The following ZNF100 variants were observed in gnomAD, a reference collection of about 807,000 sequenced individuals.
The protein encoded by ZNF100 is zinc finger protein 100 (Y1).
Under a neutral mutation model 15.8 loss-of-function variants are expected in ZNF100, and 12 were observed. That is an observed-to-expected ratio of 0.76 (90% CI 0.49 to 1.23). The LOEUF is 1.23. Ranked by LOEUF, ZNF100 falls within the 50% of genes most tolerant of loss-of-function variation. The pLI, the probability that ZNF100 is intolerant of heterozygous loss-of-function variation, is 0.00. For synonymous variants in ZNF100, 226 were observed against 214.8 expected, an observed-to-expected ratio of 1.05 and a Z score of -0.45; for missense variants, 670 against 635.6, an observed-to-expected ratio of 1.05 and a Z score of -0.58.
intron 4 of ZNF100, among the ~76,000 whole-genome samples, chr19:21,736,099 T>A (rs1476812962): frequency 6.6e-6 from 1 of 151,960 alleles, no homozygotes; most frequent in African/African-American, 2.4e-5. Flanking sequence ...TATTGATTTA[T>A]TTTTTTGAGA....
Position 21,743,808 on chromosome 19 carries a change from A to G in ZNF100, c.322+209T>C, listed in dbSNP as rs553746490. 1.1e-3 allele frequency among the ~76,000 whole-genome samples: 159 copies of G among 140,650 alleles called. 5 individuals carry two copies. In the South Asian group the frequency reaches 0.035, roughly 31 times the overall value. 92.3% of individuals were successfully genotyped at this position (140,650 alleles called of 152,430 possible). ...TCACCAAAAGGAAAGTAGAATCTTTAAAGAATTTAAAAGCATAAGACAGAA... is the reference window on the plus strand; with the variant it reads ...TCACCAAAAGGAAAGTAGAATCTTTGAAGAATTTAAAAGCATAAGACAGAA... On this transcript the variant is annotated intron_variant, in intron 4 of 4. Coordinates refer to ENST00000358296, the MANE Select transcript of ZNF100 (RefSeq NM_173531.4).
At chr19:21,743,051 A>G (rs2036145935) in intron 4 of ZNF100, 1 of 152,014 alleles carries the variant, frequency 6.6e-6, no homozygotes, top group Non-Finnish European at 1.5e-5. Flanking sequence ...ACATGGTGAA[A>G]CCCCATCTCT....
intron 4 of ZNF100, among the ~76,000 whole-genome samples, chr19:21,735,239 A>G (rs2035987277): frequency 6.6e-6 from 1 of 152,192 alleles, no homozygotes. Flanking sequence ...TGCTCCAATT[A>G]ATACCAGAAC....
intron 4 of ZNF100, among the ~76,000 whole-genome samples, chr19:21,741,291 T>G (rs577339276): frequency 6.6e-6 from 1 of 152,328 alleles, no homozygotes; most frequent in South Asian, 2.1e-4. Context: ...GGGTATTTAG[T>G]TTTAATTTCA....
rs1324730158 is a variant in ZNF100, at chr19:21,727,242, G to T, written c.1070C>A (p.Ser357Tyr). The change falls in exon 5 of 5, where the codon TCC (serine) becomes TAC (tyrosine). Residue 357 changes from serine to tyrosine, a missense_variant. Physicochemically the swap from Ser to Tyr is moderately radical, Grantham distance 144. Transcript: ENST00000358296. ...CEECGKAFNQ[S>Y]STLTTHKITH... ...TATCTTATGTGTAGTAAGGGTTGAG[G>T]ACTGGTTAAAGGCTTTGCCACATTC... 1 of 1,613,358 alleles carries T rather than the reference G, an allele frequency of 6.2e-7. No individual in the cohort carries two copies. The highest frequency in any genetic ancestry group is 1.3e-5 in the African/African-American group (1 of 74,834).
intron 2 of ZNF100, chr19:21,752,113 T>C: frequency 5.6e-6 from 1 of 179,180 alleles, no homozygotes; most frequent in Non-Finnish European, 1.2e-5. Context: ...AACAAAACAC[T>C]CTTCTGTCCT....
intron 4 of ZNF100, among the ~76,000 whole-genome samples, chr19:21,729,660 A>T (rs1313318497): frequency 6.6e-6 from 1 of 152,138 alleles, no homozygotes; most frequent in African/African-American, 2.4e-5. Context: ...GCACATATAT[A>T]CTTTTACTTC....
intron 4 of ZNF100, 34 bp downstream of exon 4, chr19:21,743,983 A>G: frequency 6.3e-7 from 1 of 1,576,018 alleles, no homozygotes; most frequent in East Asian, 2.3e-5. Flanking sequence ...TGGACCTCAC[A>G]TCTGTGTCAT....
chr19:21,733,782 G>T (rs2035963284), intron 4 of ZNF100, among the ~76,000 whole-genome samples: 1 of 152,252 alleles, frequency 6.6e-6, no homozygotes, highest in Non-Finnish European at 1.5e-5. Flanking sequence ...AACAGGCATT[G>T]TAAGACAACT....
At chr19:21,764,642 G>GAA (rs538300546) in intron 2 of ZNF100, among the ~76,000 whole-genome samples, 1 of 125,510 alleles carries the variant, frequency 8.0e-6, no homozygotes, top group African/African-American at 2.9e-5. Context: ...TCCGTGTGGG[G>GAA]AAAAAAAAAA....
At chr19:21,755,471 T>C (rs909448512) in intron 2 of ZNF100, among the ~76,000 whole-genome samples, 1 of 152,018 alleles carries the variant, frequency 6.6e-6, no homozygotes, top group African/African-American at 2.4e-5. Context: ...AGTAACACTT[T>C]TACACTCTTG....
chr19:21,756,680 C>T (rs2036397620), intron 2 of ZNF100, among the ~76,000 whole-genome samples: 1 of 152,180 alleles, frequency 6.6e-6, no homozygotes, highest in South Asian at 2.1e-4. Flanking sequence ...AATTTACTGA[C>T]TTAATGCTAT....
chr19:21,765,793 G>A lies in ZNF100; in HGVS notation c.4-7C>T, dbSNP rs1183333808. ...TTCCATACCTCGGGTCATCCTACGG[G>A]AGAAAATAAACCAGAAGCTGACATT... On this transcript the variant is annotated splice_polypyrimidine_tract_variant and splice_region_variant and intron_variant, in intron 1 of 4. Coordinates refer to ENST00000358296, the MANE Select transcript of ZNF100 (RefSeq NM_173531.4). 6.2e-7 allele frequency: 1 copy of A among 1,603,334 alleles called. No homozygotes were observed. Among genetic ancestry groups the A allele is most frequent in the East Asian group, 2.2e-5 (1 of 44,862 alleles).
At chr19:21,737,443 G>A (rs1375209766) in intron 4 of ZNF100, among the ~76,000 whole-genome samples, 3 of 151,768 alleles carry the variant, frequency 2.0e-5, no homozygotes, top group Admixed American at 6.6e-5. Flanking sequence ...GCCGAGGCAG[G>A]AGAATTACTT....
intron 3 of ZNF100, 108 bp from the exon 4 acceptor site, chr19:21,744,223 A>C: frequency 9.8e-7 from 1 of 1,019,810 alleles, no homozygotes; most frequent in Non-Finnish European, 1.3e-6. Context: ...AATTAATCCT[A>C]ACGTACTAAT....
rs904378909 is a variant in ZNF100, at chr19:21,727,181, T to C, written c.1131A>G (p.Glu377=). Residue 377 remains glutamate, a synonymous_variant, in exon 5 of 5, where the codon GAA becomes GAG. Transcript: ENST00000358296. The stretch of plus-strand genomic sequence containing the variant: ...AGAATCGGTAAAAAGCTTTGCCACA[T>C]TCTTCACATTTGTAAGGTTTCTCTC... ...HAGEKPYKCE[E]CGKAFYRFSY... is the part of the protein sequence containing the mutation. 2 of 1,613,324 alleles carry C rather than the reference T, an allele frequency of 1.2e-6. No individual in the cohort carries two copies. The highest frequency in any genetic ancestry group is 2.7e-5 in the African/African-American group (2 of 74,888).
chr19:21,737,123 TA>T (rs2036021762), intron 4 of ZNF100, among the ~76,000 whole-genome samples: 3 of 150,534 alleles, frequency 2.0e-5, no homozygotes, highest in Admixed American at 6.6e-5. Flanking sequence ...TTAAAAAAAA[TA>T]AAATAAAAGA....
intron 4 of ZNF100, among the ~76,000 whole-genome samples, chr19:21,728,270 C>T (rs1174674996): frequency 2.0e-5 from 3 of 152,166 alleles, no homozygotes; most frequent in Admixed American, 2.0e-4. Context: ...GCTCTTTCTG[C>T]TCCCCAATAT....
At position 21,722,901 on chromosome 19, in the gene ZNF100, C is replaced by T. The variant is rs1378515005; in HGVS notation, c.*3782G>A. 1 of 151,290 alleles carries T rather than the reference C, an allele frequency of 6.6e-6. No individual in the cohort carries two copies. Among genetic ancestry groups the T allele is most frequent in the Non-Finnish European group, 1.5e-5 (1 of 67,894 alleles). The allele number at this position is 151,290 out of a possible 1,614,324, so 9.4% of individuals were successfully genotyped here. On this transcript the variant is annotated 3_prime_UTR_variant, in exon 5 of 5. Coordinates refer to ENST00000358296, the MANE Select transcript of ZNF100 (RefSeq NM_173531.4). ...ATTTTCTTGCAAATTTTATGTTTGCCACACTTTAAGAATCTAATTTTTTTT... is the reference window on the plus strand; with the variant it reads ...ATTTTCTTGCAAATTTTATGTTTGCTACACTTTAAGAATCTAATTTTTTTT...
Sources: allele counts gnomAD v4.1 joint callset (sites outside exome capture counted in the v4.1 genomes callset), GRCh38; gene constraint gnomAD v4.1.1; transcripts MANE v1.5; gene names NCBI Gene and HGNC (gene_info 2026-07-23, HGNC 2026-07-21).